KIF13B: variants seen among roughly 807,000 people sequenced by gnomAD.
KIF13B encodes the protein kinesin-like protein KIF13B.
A neutral mutation model predicts 222.0 loss-of-function variants in KIF13B; 127 were observed. The observed-to-expected ratio is 0.57, with a 90% confidence interval of 0.50 to 0.66. The LOEUF (loss-of-function observed/expected upper bound fraction) is 0.66, where lower values mean the gene tolerates loss of function less well. Ranked by LOEUF, KIF13B falls within the 30% of genes least tolerant of loss-of-function variation. The probability of loss-of-function intolerance (pLI) is 0.00; values close to 1 mark genes in which losing one functional copy is unlikely to be tolerated. For missense variants in KIF13B, 2,173 were observed against 2,379.0 expected (o/e 0.91, Z 1.80); for synonymous variants, 976 against 919.0 (o/e 1.06, Z -1.12).
Position 29,183,168 on chromosome 8 carries a change from GT to G in KIF13B, c.498-1163del, listed in dbSNP as rs58034349. On this transcript the variant is annotated intron_variant, in intron 6 of 39. Coordinates refer to ENST00000524189, the MANE Select transcript of KIF13B (RefSeq NM_015254.4). ...TAATAAATTATAATCCTTAAAGTTT[GT>G]TTTTTTTTTTTTTTTTTTCCAATGG... Among the ~76,000 whole-genome samples, 460 of 117,684 alleles carry G rather than the reference GT, an allele frequency of 3.9e-3. 2 individuals are homozygous for G. Among genetic ancestry groups the G allele is most frequent in the East Asian group, 0.03 (119 of 4,004 alleles). The allele number at this position is 117,684 out of a possible 152,430, so 77.2% of individuals were successfully genotyped here.
chr8:29,110,449 A>C (rs1004420486), intron 32 of KIF13B: 2 of 240,706 alleles, frequency 8.3e-6, no homozygotes, highest in African/African-American at 2.3e-5. Context: ...GAGAAAGGGA[A>C]GAGGGGCTGG....
Position 29,113,478 on chromosome 8 carries a change from G to A in KIF13B, c.3915C>T (p.Val1305=). The A allele has an allele frequency of 1.9e-6, 3 of 1,575,994 alleles. No individual in the cohort carries two copies. Among genetic ancestry groups the A allele is most frequent in the Non-Finnish European group, 2.6e-6 (3 of 1,155,504 alleles). Residue 1305 remains valine, a synonymous_variant, in exon 32 of 40, where the codon GTC becomes GTT. Transcript: ENST00000524189. The part of the protein sequence containing the change: ...IPGCGVTFEI[V]SNIPEDAQGV... ...TATCCTTCACCTCTGGAATATTGGA[G>A]ACAATTTCAAAAGTCACTCCACAGC...
chr8:29,108,289 C>T, intron 34 of KIF13B, 97 bp from the exon 35 acceptor site: 1 of 1,152,134 alleles, frequency 8.7e-7, no homozygotes, highest in Non-Finnish European at 1.3e-6. Context: ...AACCGAACGT[C>T]AAAGTTGGGT....
In KIF13B at chr8:29,071,899, G is replaced by A. The variant is rs754617977; in HGVS notation, c.4939C>T (p.Arg1647Cys). The change falls in exon 39 of 40, where the codon CGC (arginine) becomes TGC (cysteine). Residue 1647 changes from arginine to cysteine, a missense_variant. Arg to Cys is a radical substitution (Grantham distance 180, BLOSUM62 -3). Coordinates refer to ENST00000524189, the MANE Select transcript of KIF13B (RefSeq NM_015254.4). This position sits in a 1 kb window ranked among gnomAD's most constrained non-coding sequence, Gnocchi z 4.9. ...LEAPAPGSPF[R>C]VRRVRASELR... Reference sequence around the variant, plus strand: ...TCCGAGGCCCGCACCCTCCGGACGCGGAACGGGGAGCCGGGCGCCGGGGCC... The same window carrying A: ...TCCGAGGCCCGCACCCTCCGGACGCAGAACGGGGAGCCGGGCGCCGGGGCC... 7 of 1,468,794 alleles carry A rather than the reference G, an allele frequency of 4.8e-6. No individual in the cohort carries two copies. The African/African-American group carries it at 7.5e-5, about 16-fold the overall frequency. The allele number at this position is 1,468,794 out of a possible 1,614,324, so 91.0% of individuals were successfully genotyped here.
At chr8:29,180,066 T>A (rs540533724) in intron 8 of KIF13B, 38 bp downstream of exon 8, 2 of 1,609,330 alleles carry the variant, frequency 1.2e-6, no homozygotes, top group Non-Finnish European at 1.7e-6. Flanking sequence ...CAATCCACTT[T>A]AGAAATATAA....
At chr8:29,130,210 T>C (rs1586818735) in intron 24 of KIF13B, among the ~76,000 whole-genome samples, 1 of 152,236 alleles carries the variant, frequency 6.6e-6, no homozygotes, top group African/African-American at 2.4e-5. Flanking sequence ...GTTTTTAAAA[T>C]ATTATAAATA....
chr8:29,184,678 T>C (rs1214410535), intron 6 of KIF13B, among the ~76,000 whole-genome samples: 1 of 152,076 alleles, frequency 6.6e-6, no homozygotes, highest in Non-Finnish European at 1.5e-5. Flanking sequence ...ATAGGAGAAA[T>C]TACTAAAGAC....
intron 6 of KIF13B, among the ~76,000 whole-genome samples, chr8:29,185,296 T>C (rs1173943756): frequency 6.6e-6 from 1 of 152,190 alleles, no homozygotes; most frequent in African/African-American, 2.4e-5. Context: ...TCTTCCCTTC[T>C]CCTAGGGGCA....
At chr8:29,082,797 T>C (rs1807872230) in intron 37 of KIF13B, among the ~76,000 whole-genome samples, 1 of 152,218 alleles carries the variant, frequency 6.6e-6, no homozygotes, top group South Asian at 2.1e-4. Context: ...GGATTAAGGA[T>C]GCTTAAAGAA....
At chr8:29,173,974 A>C (rs1353563555) in intron 10 of KIF13B, among the ~76,000 whole-genome samples, 3 of 152,074 alleles carry the variant, frequency 2.0e-5, no homozygotes, top group Non-Finnish European at 2.9e-5. Flanking sequence ...TTGGTAATGA[A>C]ACGATTTAAA....
chr8:29,113,881 A>C (rs1809473474), intron 31 of KIF13B, among the ~76,000 whole-genome samples: 1 of 152,224 alleles, frequency 6.6e-6, no homozygotes, highest in African/African-American at 2.4e-5. Flanking sequence ...CTTCCATACA[A>C]TAAAATGACC....
chr8:29,122,072 G>A (rs1366095681), intron 29 of KIF13B, among the ~76,000 whole-genome samples: 1 of 151,888 alleles, frequency 6.6e-6, no homozygotes, highest in Non-Finnish European at 1.5e-5. Context: ...GGCTAACATG[G>A]TGAAACCCCG....
At chr8:29,246,745 A>G (rs909393620) in intron 1 of KIF13B, among the ~76,000 whole-genome samples, 2 of 152,246 alleles carry the variant, frequency 1.3e-5, no homozygotes, top group South Asian at 2.1e-4. Context: ...TTACATAAGG[A>G]AAGACATATA....
chr8:29,121,175 T>A (rs1246171672), intron 29 of KIF13B, among the ~76,000 whole-genome samples: 1 of 147,634 alleles, frequency 6.8e-6, no homozygotes, highest in African/African-American at 2.5e-5. Flanking sequence ...AAGCTACCAA[T>A]GACTTTCTTC....
intron 2 of KIF13B, among the ~76,000 whole-genome samples, chr8:29,212,506 A>AT (rs893337409): frequency 6.6e-6 from 1 of 152,038 alleles, no homozygotes; most frequent in Non-Finnish European, 1.5e-5. Context: ...GAAGAGAAAA[A>AT]TTTTCTCAAT....
rs149995754 is a variant in KIF13B, at chr8:29,126,320, G to A, written c.3252+162C>T. On this transcript the variant is annotated intron_variant, in intron 26 of 39. Transcript: ENST00000524189. ...ACTCCTAACACACTTTACAGCCTATGAAACAACACTCAATGTTCCCTACTC... is the reference window on the plus strand; with the variant it reads ...ACTCCTAACACACTTTACAGCCTATAAAACAACACTCAATGTTCCCTACTC... Among the ~76,000 whole-genome samples the A allele has an allele frequency of 1.6e-3, 248 of 152,188 alleles. 3 individuals carry two copies. Among genetic ancestry groups the A allele is most frequent in the Middle Eastern group, 0.01 (3 of 294 alleles).
At chr8:29,161,708 C>CCAA (rs1554609866) in intron 12 of KIF13B, among the ~76,000 whole-genome samples, 1 of 143,718 alleles carries the variant, frequency 7.0e-6, no homozygotes, top group African/African-American at 2.5e-5. Flanking sequence ...AACCCCCCCC[C>CCAA]AAAAAAAAAC....
Position 29,116,869 on chromosome 8 carries a change from A to G in KIF13B, c.3799T>C (p.Leu1267=), listed in dbSNP as rs1809624121. The change falls in exon 31 of 40, where the codon TTA becomes CTA. Residue 1267 remains leucine, a synonymous_variant. Transcript: ENST00000524189. ...LSHPADMQLV[L]RKRICVNVHG... is the part of the protein sequence containing the mutation. The stretch of plus-strand genomic sequence containing the variant: ...ACATTGACACAGATTCTCTTGCGTA[A>G]CACCAGTTGCATGTCAGCAGGGTGG... 1 of 1,612,796 alleles carries G rather than the reference A, an allele frequency of 6.2e-7. No homozygotes were observed. The highest frequency in any genetic ancestry group is 1.7e-5 in the Admixed American group (1 of 59,944).
chr8:29,112,261 C>T (rs1014574539), intron 32 of KIF13B, among the ~76,000 whole-genome samples: 4 of 151,910 alleles, frequency 2.6e-5, no homozygotes, highest in South Asian at 2.1e-4. Context: ...GGTGAAATCC[C>T]GTCTCTACTT....
Sources: allele counts gnomAD v4.1 joint callset (sites outside exome capture counted in the v4.1 genomes callset), GRCh38; gene constraint gnomAD v4.1.1; non-coding constraint Gnocchi (gnomAD v3.1); transcripts MANE v1.5; gene names NCBI Gene and HGNC (gene_info 2026-07-23, HGNC 2026-07-21).